IGLL1: variants seen among roughly 807,000 people sequenced by gnomAD.
The protein encoded by IGLL1 is immunoglobulin lambda like polypeptide 1.
IGLL1 carries 10 observed loss-of-function variants against 10.5 expected under a neutral mutation model. The observed-to-expected ratio is 0.95, with a 90% CI of 0.59 to 1.62. The LOEUF is 1.62. IGLL1 is among the 40% of genes most tolerant of loss of function. The probability of loss-of-function intolerance (pLI) is 0.00; values close to 1 mark genes in which losing one functional copy is unlikely to be tolerated. For synonymous variants in IGLL1, 141 were observed against 122.7 expected, an observed-to-expected ratio of 1.15 and a Z score of -0.99; for missense variants, 284 against 278.7, an observed-to-expected ratio of 1.02 and a Z score of -0.14.
At chr22:23,578,440 C>T (rs1925167411) in intron 1 of IGLL1, among the ~76,000 whole-genome samples, 2 of 152,178 alleles carry the variant, frequency 1.3e-5, no homozygotes, top group Admixed American at 1.3e-4. Context: ...AGCCCCAGCA[C>T]AGAGCCTGAC....
chr22:23,574,618 A>G (rs1027633481), intron 2 of IGLL1, among the ~76,000 whole-genome samples: 5 of 152,148 alleles, frequency 3.3e-5, no homozygotes, highest in East Asian at 1.9e-4. Flanking sequence ...CTGGGGTCCC[A>G]GGGACTGTCT....
rs757372067 is a variant in IGLL1 at position 23,575,060 on chromosome 22, AGGAGCCGCGCT to A, written c.218_228del (p.Gln73LeufsTer16). On this transcript the variant is annotated frameshift_variant, in exon 2 of 3. Transcript: ENST00000330377. LOFTEE classifies it high-confidence loss of function. ...CGGGGCCAGCACCTGGGGCCAGTCC[AGGAGCCGCGCT>A]GGAGCAGGAACCTGCTGGGAGTGAG... 2 of 1,614,032 alleles carry A rather than the reference AGGAGCCGCGCT, an allele frequency of 1.2e-6. No individual in the cohort carries two copies.
intron 1 of IGLL1, among the ~76,000 whole-genome samples, chr22:23,576,464 C>T (rs1187715534): frequency 6.6e-6 from 1 of 151,550 alleles, no homozygotes; most frequent in Admixed American, 6.6e-5. Flanking sequence ...GAATTTCACC[C>T]TTGTCGCCCA....
At chr22:23,575,978 C>T (rs1925040432) in intron 1 of IGLL1, among the ~76,000 whole-genome samples, 1 of 152,096 alleles carries the variant, frequency 6.6e-6, no homozygotes, top group African/African-American at 2.4e-5. Flanking sequence ...TAGCCATTTT[C>T]ACACTCTGTG....
At chr22:23,579,896 C>T in intron 1 of IGLL1, 89 bp downstream of exon 1, 1 of 1,088,372 alleles carries the variant, frequency 9.2e-7, no homozygotes, top group Non-Finnish European at 1.3e-6. Context: ...AACCTTCCTC[C>T]TCACCCCTCT....
Position 23,575,235 on chromosome 22 carries a change from C to T in IGLL1, c.207-153G>A, listed in dbSNP as rs2123698583. The T allele has an allele frequency of 8.6e-5, 63 of 731,634 alleles. 2 individuals are homozygous for T. In the South Asian group the frequency reaches 9.4e-4, roughly 11 times the overall value. The allele number at this position is 731,634 out of a possible 1,614,324, so 45.3% of individuals were successfully genotyped here. On this transcript the variant is annotated intron_variant, in intron 1 of 2. Transcript: ENST00000330377. ...GTGCTGCCCCAGCGTGTGTCCCCCT[C>T]TCTGAAACTGTTGGTGCTGATGGCA... is the stretch of plus-strand genomic sequence containing the variant.
chr22:23,579,932 T>C (rs550013324), intron 1 of IGLL1, 53 bp downstream of exon 1: 17 of 1,481,716 alleles, frequency 1.1e-5, no homozygotes, highest in Non-Finnish European at 1.5e-5. Flanking sequence ...GGTCATCCTT[T>C]CCCGCCTCTG....
intron 1 of IGLL1, among the ~76,000 whole-genome samples, chr22:23,579,714 G>A (rs1925241945): frequency 6.6e-6 from 1 of 152,168 alleles, no homozygotes; most frequent in Admixed American, 6.5e-5. Flanking sequence ...AGGACTAGGG[G>A]GAGGTGAGGG....
chr22:23,577,597 G>A (rs975858820), intron 1 of IGLL1, among the ~76,000 whole-genome samples: 3 of 147,678 alleles, frequency 2.0e-5, no homozygotes, highest in Non-Finnish European at 4.4e-5. Flanking sequence ...GAGTGCAGTG[G>A]TGGGATCTCA....
At chr22:23,578,084 A>T (rs1925151327) in intron 1 of IGLL1, among the ~76,000 whole-genome samples, 1 of 151,418 alleles carries the variant, frequency 6.6e-6, no homozygotes, top group Non-Finnish European at 1.5e-5. Context: ...GAGTTTTGCC[A>T]TGTTGGCCAG....
At position 23,580,089 on chromosome 22, in the gene IGLL1, T is replaced by C. The variant is rs201677831; in HGVS notation, c.102A>G (p.Val34=). The change falls in exon 1 of 3, where the codon GTA becomes GTG. Residue 34 remains valine (V), a synonymous_variant. Transcript: ENST00000330377. ...CTGTTGGGCGCAGCAGGCCATGGGT[T>C]ACCACGGCCAGACCCAGCAGCAGCA... ...WPLLLLGLAV[V]THGLLRPTAA... is the part of the protein sequence containing the mutation. 5 of 1,571,902 alleles carry C rather than the reference T, an allele frequency of 3.2e-6. No individual in the cohort carries two copies. In the Admixed American group the frequency reaches 7.5e-5, roughly 24 times the overall value.
At chr22:23,578,233 A>G (rs1925158074) in intron 1 of IGLL1, among the ~76,000 whole-genome samples, 1 of 152,096 alleles carries the variant, frequency 6.6e-6, no homozygotes, top group Non-Finnish European at 1.5e-5. Flanking sequence ...ACTTACATTA[A>G]TAGCCCCCCA....
At chr22:23,576,360 C>CA (rs11455488) in intron 1 of IGLL1, among the ~76,000 whole-genome samples, 12,781 of 67,022 alleles carry the variant, frequency 0.19, 992 homozygotes, top group East Asian at 0.39. Flanking sequence ...AAGACTGTCC[C>CA]AAAAAAAAAA....
chr22:23,575,559 C>T (rs563652), intron 1 of IGLL1, among the ~76,000 whole-genome samples: 8 of 152,232 alleles, frequency 5.3e-5, no homozygotes, highest in African/African-American at 9.6e-5. Flanking sequence ...TCATTCCATC[C>T]GTCCGTCCAT....
intron 1 of IGLL1, among the ~76,000 whole-genome samples, chr22:23,579,391 C>T (rs1925222168): frequency 6.6e-6 from 1 of 152,108 alleles, no homozygotes; most frequent in Admixed American, 6.5e-5. Flanking sequence ...CTCTCCTGGG[C>T]TTCTTCTTTG....
chr22:23,578,505 G>A (rs548402786), intron 1 of IGLL1, among the ~76,000 whole-genome samples: 1 of 152,154 alleles, frequency 6.6e-6, no homozygotes, highest in Non-Finnish European at 1.5e-5. Context: ...ACCCGGTCCC[G>A]GCCTGCCACC....
intron 1 of IGLL1, among the ~76,000 whole-genome samples, chr22:23,576,143 G>A (rs1323087233): frequency 3.3e-5 from 5 of 151,976 alleles, no homozygotes; most frequent in Non-Finnish European, 5.9e-5. Context: ...CCCCAGCCCA[G>A]CTCATTTTCT....
At chr22:23,579,554 A>C (rs1458741588) in intron 1 of IGLL1, among the ~76,000 whole-genome samples, 1 of 139,602 alleles carries the variant, frequency 7.2e-6, no homozygotes, top group African/African-American at 2.8e-5. Flanking sequence ...TGAGGGTGGG[A>C]GTGGACAGGT....
In IGLL1 at chr22:23,573,336, C is replaced by A. The variant is rs1479859543; in HGVS notation, c.572G>T (p.Ser191Ile). The change falls in exon 3 of 3, where the codon AGC becomes ATC. Residue 191 changes from serine (S) to isoleucine (I), a missense_variant. Ser to Ile is a moderately radical substitution (Grantham distance 142). Coordinates refer to ENST00000330377, the MANE Select transcript of IGLL1 (RefSeq NM_020070.4). Reference protein sequence around the residue: ...LTPEQWRSRRSYSCQVMHEGS... With the variant: ...LTPEQWRSRRIYSCQVMHEGS... ...TTCGTGCATGACCTGGCAGCTGTAGCTTCTGCGGGACCTCCACTGCTCGGG... is the reference window on the plus strand; with the variant it reads ...TTCGTGCATGACCTGGCAGCTGTAGATTCTGCGGGACCTCCACTGCTCGGG... 1 of 1,613,996 alleles carries A rather than the reference C, an allele frequency of 6.2e-7. No homozygotes were observed. The highest frequency in any genetic ancestry group is 1.3e-5 in the African/African-American group (1 of 74,906).
Sources: gnomAD v4.1 joint callset for allele counts (sites outside exome capture counted in the v4.1 genomes callset) on GRCh38, gnomAD v4.1.1 for gene constraint, MANE v1.5 for transcripts, NCBI Gene and HGNC (gene_info 2026-07-23, HGNC 2026-07-21) for gene names.